The following LAMC3 variants were observed in gnomAD, a reference collection of about 807,000 sequenced individuals.
LAMC3 encodes the protein laminin subunit gamma 3, also known as laminin subunit gamma-3.
A neutral mutation model predicts 173.8 loss-of-function variants in LAMC3; 128 were observed. The ratio of observed to expected loss-of-function variants is 0.74; its 90% CI spans 0.64 to 0.85. The LOEUF is 0.85. Ranked by LOEUF, LAMC3 falls within the 40% of genes least tolerant of loss-of-function variation. The pLI is 0.00. For synonymous variants in LAMC3, 897 were observed against 909.1 expected (o/e 0.99, Z 0.24); for missense variants, 2,022 against 2,156.0 (o/e 0.94, Z 1.23).
At position 131,041,700 on chromosome 9, in the gene LAMC3, C is replaced by T. The variant is rs770949815; in HGVS notation, c.1347C>T (p.Pro449=). The change falls in exon 7 of 28, where the codon CCC becomes CCT. Residue 449 remains proline, a synonymous_variant. Coordinates refer to ENST00000361069, the MANE Select transcript of LAMC3 (RefSeq NM_006059.4). ...GTGACCCCCGCAGTGGGCGCTGCCCCTGCAAAGAGAATGTGGAAGGCAACC... is the reference window on the plus strand; with the variant it reads ...GTGACCCCCGCAGTGGGCGCTGCCCTTGCAAAGAGAATGTGGAAGGCAACC... ...DTCDPRSGRC[P]CKENVEGNLC... 1 of 1,614,048 alleles carries T rather than the reference C, an allele frequency of 6.2e-7. No homozygotes were observed. The highest frequency in any genetic ancestry group is 8.5e-7 in the Non-Finnish European group (1 of 1,180,024).
rs769028618 is a variant in LAMC3 at position 131,066,949 on chromosome 9, T to A, written c.2348-11T>A. ...AGCTGTGTTCCCCACACGTGCTCCCTCTACACACAGGGCGGCGCTGTGAGG... is the reference window on the plus strand; with the variant it reads ...AGCTGTGTTCCCCACACGTGCTCCCACTACACACAGGGCGGCGCTGTGAGG... On this transcript the variant is annotated splice_polypyrimidine_tract_variant and intron_variant, in intron 13 of 27. Coordinates refer to ENST00000361069, the MANE Select transcript of LAMC3 (RefSeq NM_006059.4). The A allele has an allele frequency of 1.6e-5, 26 of 1,613,472 alleles. 1 individual carries two copies. The highest frequency in any genetic ancestry group is 8.3e-5 in the Admixed American group (5 of 59,998).
intron 21 of LAMC3, among the ~76,000 whole-genome samples, chr9:131,076,173 G>C (rs1234438844): frequency 1.3e-5 from 2 of 152,078 alleles, no homozygotes; most frequent in African/African-American, 2.4e-5. Context: ...ACTTTTGCCT[G>C]GGGGGATGCA....
At chr9:131,052,818 C>G (rs774745744) in intron 10 of LAMC3, 32 bp from the exon 11 acceptor site, 5 of 1,250,146 alleles carry the variant, frequency 4.0e-6, no homozygotes, top group East Asian at 5.0e-5. Context: ...CACCCTATGT[C>G]GGGATCTCAC....
At position 131,067,073 on chromosome 9, in the gene LAMC3, G is replaced by T. The variant is rs764115057; in HGVS notation, c.2461G>T (p.Val821Leu). The T allele has an allele frequency of 3.1e-6, 5 of 1,614,114 alleles. No homozygotes were observed. The highest frequency in any genetic ancestry group is 4.2e-6 in the Non-Finnish European group (5 of 1,180,024). The change falls in exon 14 of 28, where the codon GTG (valine) becomes TTG (leucine). Residue 821 changes from valine (V) to leucine (L), a missense_variant. Transcript: ENST00000361069. ...QCSGNVDPNAVGNCDPLSGHC... is the reference protein window; with the variant it reads ...QCSGNVDPNALGNCDPLSGHC... ...TAGCGGGAACGTGGACCCCAATGCC[G>T]TGGGCAACTGTGACCCCCTGTCTGG...
intron 25 of LAMC3, 87 bp from the exon 26 acceptor site, chr9:131,087,387 GCT>G: frequency 6.7e-7 from 1 of 1,489,356 alleles, no homozygotes; most frequent in Non-Finnish European, 9.4e-7. Flanking sequence ...ACAGACAACT[GCT>G]TGGCATCATT....
Position 131,076,882 on chromosome 9 carries a change from G to A in LAMC3, c.3630-305G>A, listed in dbSNP as rs78588909. 2.9e-3 allele frequency among the ~76,000 whole-genome samples: 447 copies of A among 152,312 alleles called. 2 individuals carry two copies. Among genetic ancestry groups the A allele is most frequent in the Admixed American group, 8.6e-3 (132 of 15,296 alleles). The stretch of plus-strand genomic sequence containing the variant: ...CATTTTCCTCTTCACCATTCACCCA[G>A]AAGAGCCAAACATTTGCAAACATGT... On this transcript the variant is annotated intron_variant, in intron 21 of 27. Coordinates refer to ENST00000361069, the MANE Select transcript of LAMC3 (RefSeq NM_006059.4).
intron 15 of LAMC3, among the ~76,000 whole-genome samples, chr9:131,068,471 G>A (rs1395846334): frequency 6.6e-6 from 1 of 152,162 alleles, no homozygotes; most frequent in Admixed American, 6.5e-5. Flanking sequence ...GCAGGTGGCC[G>A]GTTTGGTCTC....
At chr9:131,054,073 C>A (rs1351838917) in intron 11 of LAMC3, among the ~76,000 whole-genome samples, 2 of 152,008 alleles carry the variant, frequency 1.3e-5, no homozygotes, top group East Asian at 3.9e-4. Flanking sequence ...GAGCTCTAGG[C>A]TCAGATGTTT....
chr9:131,032,557 G>GCTCTCTCTCTTGCTCTCT (rs1833852470), intron 3 of LAMC3, among the ~76,000 whole-genome samples: 1 of 132,104 alleles, frequency 7.6e-6, no homozygotes, highest in South Asian at 2.5e-4. Context: ...GCTCTCTCTC[G>GCTCTCTCTCTTGCTCTCT]CTCTCTCTCT....
rs372533473 is a variant in LAMC3, at chr9:131,022,203, G to C, written c.374-4082G>C. Among the ~76,000 whole-genome samples the C allele has an allele frequency of 5.8e-5, 7 of 120,176 alleles. No homozygotes were observed. In the East Asian group the frequency reaches 1.1e-3, roughly 20 times the overall value. 78.8% of individuals were successfully genotyped at this position (120,176 alleles called of 152,430 possible). ...GGGCTATGGGAGTCATAAGCCAGGA[G>C]CTGTGGATGAAAACACACACACACA... On this transcript the variant is annotated intron_variant, in intron 1 of 27. Transcript: ENST00000361069.
At chr9:131,084,138 C>A (rs1195833556) in intron 24 of LAMC3, among the ~76,000 whole-genome samples, 1 of 151,702 alleles carries the variant, frequency 6.6e-6, no homozygotes, top group African/African-American at 2.4e-5. Flanking sequence ...CTGCCTCCGC[C>A]TCCCAAAGTG....
chr9:131,045,766 G>T, intron 8 of LAMC3, 106 bp downstream of exon 8: 1 of 1,396,606 alleles, frequency 7.2e-7, no homozygotes. Flanking sequence ...ATTGTGGAGA[G>T]GAGCCACAGG....
chr9:131,082,896 C>T (rs558884143), intron 24 of LAMC3, among the ~76,000 whole-genome samples: 2 of 152,154 alleles, frequency 1.3e-5, no homozygotes, highest in South Asian at 2.1e-4. Flanking sequence ...GCCCACTGCC[C>T]GGAAGAGATG....
At chr9:131,066,554 T>C (rs1829936510) in intron 13 of LAMC3, among the ~76,000 whole-genome samples, 1 of 151,968 alleles carries the variant, frequency 6.6e-6, no homozygotes, top group African/African-American at 2.4e-5. Flanking sequence ...GTGATTGAGG[T>C]GCTGCTGGGG....
At chr9:131,065,060 GAAAA>G (rs1277045908) in intron 13 of LAMC3, among the ~76,000 whole-genome samples, 306 of 11,658 alleles carry the variant, frequency 0.026, 2 homozygotes, top group Middle Eastern at 0.15. Flanking sequence ...AAAAAAAAAA[GAAAA>G]GGAAAGAAAA....
At chr9:131,051,365 C>CTTTTTTTTTTTTTTTTTTTT (rs58477043) in intron 9 of LAMC3, among the ~76,000 whole-genome samples, 1 of 126,840 alleles carries the variant, frequency 7.9e-6, no homozygotes. Flanking sequence ...TTTTACCATT[C>CTTTTTTTTTTTTTTTTTTTT]TTTTTTTTTT....
chr9:131,048,632 GC>G (rs1834222607), intron 8 of LAMC3, among the ~76,000 whole-genome samples: 1 of 152,154 alleles, frequency 6.6e-6, no homozygotes, highest in Non-Finnish European at 1.5e-5. Context: ...TCGTGGCTGG[GC>G]CCCTTCCTAA....
At chr9:131,088,940 C>T (rs185716115) in intron 27 of LAMC3, among the ~76,000 whole-genome samples, 8 of 152,030 alleles carry the variant, frequency 5.3e-5, no homozygotes, top group Non-Finnish European at 8.8e-5. Flanking sequence ...AAAAAATTAG[C>T]CAGGCATGGT....
In LAMC3 at chr9:131,065,790, G is replaced by T. The variant is rs1436880758; in HGVS notation, c.2348-1170G>T. 6.6e-5 allele frequency among the ~76,000 whole-genome samples: 10 copies of T among 151,786 alleles called. No individual in the cohort carries two copies. In the East Asian group the frequency reaches 9.7e-4, roughly 15 times the overall value. On this transcript the variant is annotated intron_variant, in intron 13 of 27. Coordinates refer to ENST00000361069, the MANE Select transcript of LAMC3 (RefSeq NM_006059.4). The stretch of plus-strand genomic sequence containing the variant: ...GAAGGTGATGTTGATGAAGATAATG[G>T]TCAAGATGACAATGGTGATGAAGGT...
Sources: gnomAD v4.1 joint callset for allele counts (sites outside exome capture counted in the v4.1 genomes callset) on GRCh38, gnomAD v4.1.1 for gene constraint, MANE v1.5 for transcripts, NCBI Gene and HGNC (gene_info 2026-07-23, HGNC 2026-07-21) for gene names.